The following ABLIM1 variants were observed in gnomAD, a reference collection of about 807,000 sequenced individuals.
ABLIM1 encodes the protein actin-binding LIM protein 1.
ABLIM1 carries 40 observed loss-of-function variants against 107.0 expected under a neutral mutation model. That is an observed-to-expected ratio of 0.37 (90% CI 0.29 to 0.49). ABLIM1 has a LOEUF of 0.49. ABLIM1 is among the 20% of genes least tolerant of loss of function. The pLI is 0.97. For missense variants in ABLIM1, 857 were observed against 1,008.5 expected (o/e 0.85, Z 2.04); for synonymous variants, 357 against 357.3 (o/e 1.00, Z 0.01).
At chr10:114,476,188 T>A (rs2056364710) in intron 8 of ABLIM1, among the ~76,000 whole-genome samples, 1 of 152,182 alleles carries the variant, frequency 6.6e-6, no homozygotes. Context: ...CACACCCAGG[T>A]GGAGGTGCAC....
intron 4 of ABLIM1, among the ~76,000 whole-genome samples, chr10:114,553,977 G>A (rs750157130): frequency 3.3e-5 from 5 of 152,178 alleles, no homozygotes; most frequent in Non-Finnish European, 7.3e-5. Context: ...AAAGGTGCCT[G>A]CTAAGTAGGG....
At chr10:114,719,574 T>C (rs1044168751) in intron 1 of ABLIM1, among the ~76,000 whole-genome samples, 2 of 152,232 alleles carry the variant, frequency 1.3e-5, no homozygotes, top group South Asian at 2.1e-4. Flanking sequence ...GCATACACTA[T>C]ACAGTTCTAG....
rs148378044 is a variant in ABLIM1, at chr10:114,624,536, C to A, written c.245-22575G>T. Among the ~76,000 whole-genome samples the A allele has an allele frequency of 5.1e-3, 776 of 152,338 alleles. 12 individuals are homozygous for A. The highest frequency in any genetic ancestry group is 4.9e-3 in the Non-Finnish European group (332 of 68,038). ...CAAGAAGCAATACCACCTCCAAAGT[C>A]TGACAGTAGCTAACAGTAGATGAGG... On this transcript the variant is annotated intron_variant, in intron 1 of 22. Transcript: ENST00000533213.
rs1327115007 is a variant in ABLIM1, at chr10:114,433,773, A to C, written c.*2487T>G. 6.6e-6 allele frequency: 1 copy of C among 152,190 alleles called. No homozygotes were observed. The highest frequency in any genetic ancestry group is 2.4e-5 in the African/African-American group (1 of 41,442). 9.4% of individuals were successfully genotyped at this position (152,190 alleles called of 1,614,324 possible). Reference sequence around the variant, plus strand: ...GTCTAATGTCCCCATTCTATGACAGACCCATGTCTTCTTTATGTAGACCAA... The same window carrying C: ...GTCTAATGTCCCCATTCTATGACAGCCCCATGTCTTCTTTATGTAGACCAA... On this transcript the variant is annotated 3_prime_UTR_variant, in exon 23 of 23. Coordinates refer to ENST00000533213, the MANE Select transcript of ABLIM1 (RefSeq NM_002313.7).
chr10:114,457,736 G>A (rs141252591), intron 12 of ABLIM1, among the ~76,000 whole-genome samples: 7 of 152,256 alleles, frequency 4.6e-5, no homozygotes, highest in East Asian at 1.9e-4. Flanking sequence ...CATCATCATC[G>A]TTGTCATCAT....
chr10:114,556,385 G>A (rs76000464), intron 4 of ABLIM1, among the ~76,000 whole-genome samples: 11,032 of 152,220 alleles, frequency 0.072, 645 homozygotes, highest in African/African-American at 0.16. Context: ...GAGACACGTG[G>A]TGACTGCTCA....
chr10:114,613,557 CATTCAAGTGCTTATAA>C (rs2076949163), intron 1 of ABLIM1: 1 of 680,250 alleles, frequency 1.5e-6, no homozygotes. Context: ...TGAAGCTTTT[CATTCAAGTGCTTATAA>C]ATTTCAGAAA....
chr10:114,467,513 A>G (rs561563098), intron 11 of ABLIM1, among the ~76,000 whole-genome samples: 2 of 152,372 alleles, frequency 1.3e-5, no homozygotes, highest in Non-Finnish European at 1.5e-5. Flanking sequence ...TAAATTAAAT[A>G]AAACAACAAC....
chr10:114,731,826 T>G (rs1418920238), intron 1 of ABLIM1, among the ~76,000 whole-genome samples: 1 of 152,116 alleles, frequency 6.6e-6, no homozygotes, highest in Non-Finnish European at 1.5e-5. Context: ...GCCAGGCTGG[T>G]CTTGAACCCC....
In ABLIM1 at chr10:114,750,300, T is replaced by C. The variant is rs542146417; in HGVS notation, c.-213+17761A>G. Among the ~76,000 whole-genome samples the C allele has an allele frequency of 3.3e-5, 5 of 152,350 alleles. No homozygotes were observed. The South Asian group carries it at 8.3e-4, about 25-fold the overall frequency. ...ACTATGGTCTTTGACAGTCTGGTGA[T>C]ACAGTTAACTTGACTGAATCGTTAC... On this transcript the variant is annotated intron_variant, in intron 1 of 15. Transcript: ENST00000651092.
intron 1 of ABLIM1, among the ~76,000 whole-genome samples, chr10:114,651,936 C>A (rs1429683801): frequency 6.6e-6 from 1 of 152,192 alleles, no homozygotes; most frequent in Non-Finnish European, 1.5e-5. Context: ...TCCTTGCCAG[C>A]AGCAGATGCC....
intron 4 of ABLIM1, among the ~76,000 whole-genome samples, chr10:114,557,671 G>GTTTTGTTTTTTTTT (rs1555173409): frequency 1.4e-5 from 1 of 72,484 alleles, no homozygotes. Context: ...ATAGTGAGGT[G>GTTTTGTTTTTTTTT]TTTTTTTTTT....
chr10:114,511,612 G>T (rs1037499737), intron 6 of ABLIM1, among the ~76,000 whole-genome samples: 2 of 151,962 alleles, frequency 1.3e-5, no homozygotes, highest in Non-Finnish European at 2.9e-5. Flanking sequence ...TGATCCACCC[G>T]CCTCAGCCTC....
chr10:114,493,401 GA>G (rs2059263601), intron 6 of ABLIM1, among the ~76,000 whole-genome samples: 1 of 152,178 alleles, frequency 6.6e-6, no homozygotes, highest in African/African-American at 2.4e-5. Context: ...CAAATAGAAA[GA>G]AATGTCTTCA....
chr10:114,590,461 T>G (rs973414457), intron 2 of ABLIM1, among the ~76,000 whole-genome samples: 1 of 152,206 alleles, frequency 6.6e-6, no homozygotes, highest in Non-Finnish European at 1.5e-5. Flanking sequence ...TAAAGAGTTT[T>G]AGAAGTTTAA....
In ABLIM1 at chr10:114,453,442, G is replaced by A. The variant is rs760317827; in HGVS notation, c.1483C>T (p.Arg495Trp). 1.8e-5 allele frequency: 29 copies of A among 1,612,704 alleles called. No individual in the cohort carries two copies. Among genetic ancestry groups the A allele is most frequent in the Middle Eastern group, 1.6e-4 (1 of 6,072 alleles). Residue 495 changes from arginine (R) to tryptophan (W), a missense_variant, in exon 13 of 23, where the codon CGG becomes TGG. By Grantham distance (101) the Arg-to-Trp change is moderately radical. Around this residue, in one of 5 missense-constraint regions of ABLIM1, gnomAD observed 381 missense variants for 506.9 expected, o/e 0.75. Coordinates refer to ENST00000533213, the MANE Select transcript of ABLIM1 (RefSeq NM_002313.7). ...SSGRNSPLPY[R>W]PDSRPLTPTY... ...GGAGTTAGAGGGCGGCTGTCTGGCC[G>A]GTAAGGGAGAGGGGAGTTCCGGCCG...
intron 1 of ABLIM1, among the ~76,000 whole-genome samples, chr10:114,719,283 A>T (rs1041624577): frequency 6.6e-6 from 1 of 152,244 alleles, no homozygotes; most frequent in Admixed American, 6.5e-5. Context: ...TGTGGCCAAG[A>T]TACTGTCCTA....
intron 19 of ABLIM1, 127 bp from the exon 20 acceptor site, chr10:114,440,216 C>A: frequency 1.0e-6 from 1 of 962,546 alleles, no homozygotes; most frequent in East Asian, 2.5e-5. Context: ...TTTTTCTGCT[C>A]CCAGACTCTG....
chr10:114,601,728 T>C (rs1290079952), intron 2 of ABLIM1, 99 bp downstream of exon 2: 1 of 1,554,656 alleles, frequency 6.4e-7, no homozygotes, highest in African/African-American at 1.4e-5. Context: ...CATTCGCTTA[T>C]CATCCAGTGA....
Sources: gnomAD v4.1 joint callset for allele counts (sites outside exome capture counted in the v4.1 genomes callset) on GRCh38, gnomAD v4.1.1 for gene constraint, gnomAD v4.1.1 regional missense constraint, MANE v1.5 for transcripts, NCBI Gene and HGNC (gene_info 2026-07-23, HGNC 2026-07-21) for gene names.